Variants in AGBL4 observed in about 807,000 individuals in gnomAD.
AGBL4 encodes cytosolic carboxypeptidase 6.
A neutral mutation model predicts 66.4 loss-of-function variants in AGBL4; 58 were observed. That is an observed-to-expected ratio of 0.87 (90% confidence interval 0.71 to 1.09). The LOEUF (loss-of-function observed/expected upper bound fraction) is 1.09. Ranked by LOEUF, AGBL4 falls within the 50% of genes least tolerant of loss-of-function variation. The probability of loss-of-function intolerance (pLI) is 0.00; values close to 1 mark genes in which losing one functional copy is unlikely to be tolerated. For synonymous variants in AGBL4, 234 were observed against 222.9 expected, an observed-to-expected ratio of 1.05 and a Z score of -0.44; for missense variants, 579 against 631.0, an observed-to-expected ratio of 0.92 and a Z score of 0.88.
chr1:49,790,311 C>T (rs931505888), intron 2 of AGBL4, among the ~76,000 whole-genome samples: 2 of 147,552 alleles, frequency 1.4e-5, no homozygotes, highest in Non-Finnish European at 3.0e-5. Context: ...TTGCAGTGAG[C>T]TGAGATCGCA....
intron 3 of AGBL4, among the ~76,000 whole-genome samples, chr1:49,326,830 C>T (rs1234765872): frequency 6.6e-6 from 1 of 152,148 alleles, no homozygotes; most frequent in Non-Finnish European, 1.5e-5. Flanking sequence ...CAAGTTATCA[C>T]AAATGTAATG....
At chr1:49,033,153 T>C (rs977363279) in intron 5 of AGBL4, among the ~76,000 whole-genome samples, 1 of 152,052 alleles carries the variant, frequency 6.6e-6, no homozygotes, top group African/African-American at 2.4e-5. Flanking sequence ...CCAATTAAGT[T>C]GGACTCCTTT....
At chr1:48,712,537 G>A (rs764943149) in intron 6 of AGBL4, among the ~76,000 whole-genome samples, 4 of 152,206 alleles carry the variant, frequency 2.6e-5, no homozygotes, top group Non-Finnish European at 5.9e-5. Context: ...AACACAGGCC[G>A]GATGCTGTTC....
intron 2 of AGBL4, among the ~76,000 whole-genome samples, chr1:49,772,614 G>A (rs1161859860): frequency 2.6e-5 from 4 of 152,086 alleles, no homozygotes; most frequent in East Asian, 1.9e-4. Context: ...TATTCCTGAC[G>A]TATGGATATA....
At chr1:48,759,158 C>T (rs540778259) in intron 6 of AGBL4, 2 of 1,614,172 alleles carry the variant, frequency 1.2e-6, no homozygotes, top group Admixed American at 1.7e-5. Flanking sequence ...CCTGGCGAGG[C>T]CTCCACGAAG....
chr1:49,636,673 T>C (rs1040232739), intron 3 of AGBL4, among the ~76,000 whole-genome samples: 1 of 151,986 alleles, frequency 6.6e-6, no homozygotes, highest in East Asian at 1.9e-4. Context: ...AATAGAAAAA[T>C]AGGTAATAAA....
At chr1:49,313,812 T>C (rs1441948892) in intron 3 of AGBL4, among the ~76,000 whole-genome samples, 2 of 152,212 alleles carry the variant, frequency 1.3e-5, no homozygotes, top group Admixed American at 1.3e-4. Context: ...TCCCATTCTG[T>C]AGCTTGCCTG....
chr1:48,980,194 C>A (rs1453660653), intron 5 of AGBL4, among the ~76,000 whole-genome samples: 1 of 152,074 alleles, frequency 6.6e-6, no homozygotes, highest in South Asian at 2.1e-4. Context: ...TGAGACATTG[C>A]TTTTTTGCTT....
At chr1:48,599,046 C>A (rs1283614766) in intron 9 of AGBL4, among the ~76,000 whole-genome samples, 1 of 151,772 alleles carries the variant, frequency 6.6e-6, no homozygotes, top group African/African-American at 2.4e-5. Context: ...CAAACATGAG[C>A]CGAGAGCTAC....
chr1:49,958,582 A>C (rs878919932), intron 1 of AGBL4, among the ~76,000 whole-genome samples: 3 of 151,866 alleles, frequency 2.0e-5, no homozygotes, highest in African/African-American at 7.2e-5. Flanking sequence ...TTCTCAGCAA[A>C]CTATCACAAG....
intron 3 of AGBL4, among the ~76,000 whole-genome samples, chr1:49,306,596 C>G (rs1644852520): frequency 6.6e-6 from 1 of 152,114 alleles, no homozygotes; most frequent in Non-Finnish European, 1.5e-5. Context: ...TCTTTAATAC[C>G]TAGGGACTGA....
At chr1:49,248,169 TAAG>T (rs1435619458) in intron 3 of AGBL4, among the ~76,000 whole-genome samples, 1 of 152,184 alleles carries the variant, frequency 6.6e-6, no homozygotes, top group African/African-American at 2.4e-5. Flanking sequence ...TCAAAATGAA[TAAG>T]AAGATGTGGC....
At chr1:48,535,105 T>TG (rs1050503541) in intron 12 of AGBL4, among the ~76,000 whole-genome samples, 189 bp from the exon 13 acceptor site, 1 of 151,882 alleles carries the variant, frequency 6.6e-6, no homozygotes, top group African/African-American at 2.4e-5. Context: ...GGGGCAGCCA[T>TG]GGGGGGATAG....
intron 3 of AGBL4, among the ~76,000 whole-genome samples, chr1:49,599,360 A>G: frequency 6.6e-6 from 1 of 152,080 alleles, no homozygotes; most frequent in South Asian, 2.1e-4. Flanking sequence ...GAATTTATCC[A>G]TTTCACCTAG....
intron 5 of AGBL4, among the ~76,000 whole-genome samples, chr1:48,947,885 G>A (rs1480605383): frequency 6.6e-6 from 1 of 151,306 alleles, no homozygotes; most frequent in Admixed American, 6.6e-5. Context: ...GCTAAATACA[G>A]GTTTTTTGTT....
intron 3 of AGBL4, among the ~76,000 whole-genome samples, chr1:49,366,168 G>A (rs1032871193): frequency 1.3e-5 from 2 of 152,018 alleles, no homozygotes; most frequent in African/African-American, 2.4e-5. Context: ...CAAAAAAAAA[G>A]ATGGATGCCT....
At chr1:49,412,297 C>T (rs1196239803) in intron 3 of AGBL4, among the ~76,000 whole-genome samples, 1 of 151,940 alleles carries the variant, frequency 6.6e-6, no homozygotes, top group Non-Finnish European at 1.5e-5. Flanking sequence ...CTGCAGACAA[C>T]CAACTTCTCC....
chr1:49,784,128 G>A (rs1571558635), intron 2 of AGBL4, among the ~76,000 whole-genome samples: 1 of 152,038 alleles, frequency 6.6e-6, no homozygotes, highest in Non-Finnish European at 1.5e-5. Context: ...TGGCAATTTT[G>A]TTCAAAACTT....
chr1:49,983,708 T>C (rs1290128240), intron 1 of AGBL4, among the ~76,000 whole-genome samples: 4 of 152,376 alleles, frequency 2.6e-5, no homozygotes, highest in East Asian at 3.9e-4. Flanking sequence ...ACTTTGATCA[T>C]GAACATTTTT....
Sources: gnomAD v4.1 joint callset for allele counts (sites outside exome capture counted in the v4.1 genomes callset) on GRCh38, gnomAD v4.1.1 for gene constraint, MANE v1.5 for transcripts, NCBI Gene and HGNC (gene_info 2026-07-23, HGNC 2026-07-21) for gene names.